The following STRIP1 variants were observed in gnomAD, a reference collection of about 807,000 sequenced individuals.
STRIP1 encodes the protein striatin-interacting protein 1.
In STRIP1, 63 loss-of-function variants were observed where a neutral mutation model predicts 106.2. That is an observed-to-expected ratio of 0.59 (90% CI 0.48 to 0.73). The LOEUF is 0.73. Ranked by LOEUF, STRIP1 falls within the 30% of genes least tolerant of loss-of-function variation. STRIP1 has a pLI of 0.00. For synonymous variants in STRIP1, 390 were observed against 413.0 expected (o/e 0.94, Z 0.67); for missense variants, 857 against 1,074.8 (o/e 0.80, Z 2.83).
intron 5 of STRIP1, chr1:110,039,824 A>G: frequency 7.6e-7 from 1 of 1,322,898 alleles, no homozygotes; most frequent in African/African-American, 1.5e-5. Context: ...GAACCTGCAG[A>G]CACTGCTGTG....
Position 110,034,793 on chromosome 1 carries a change from C to T in STRIP1, c.156C>T (p.Asn52=). ...LLPGGKAREF[N]RNQRKDSEGY... is the part of the protein sequence containing the mutation. ...CTGGGGGCAAAGCCCGCGAGTTCAACCGCAACCAGCGCAAAGACTCAGAGG... is the reference window on the plus strand; with the variant it reads ...CTGGGGGCAAAGCCCGCGAGTTCAATCGCAACCAGCGCAAAGACTCAGAGG... The change falls in exon 1 of 21, where the codon AAC becomes AAT. Residue 52 remains asparagine, a synonymous_variant. Transcript: ENST00000369795. 1.4e-6 allele frequency: 2 copies of T among 1,421,190 alleles called. No homozygotes were observed. 88.0% of individuals were successfully genotyped at this position (1,421,190 alleles called of 1,614,324 possible). A position where few individuals can be genotyped will look rare whatever the true frequency, so the allele number is the denominator to read the frequency against.
chr1:110,040,595 C>T, intron 5 of STRIP1, 40 bp from the exon 6 acceptor site: 2 of 1,582,150 alleles, frequency 1.3e-6, no homozygotes, highest in Non-Finnish European at 1.7e-6. Context: ...ACTTATCTTC[C>T]TTCTTGGAGG....
intron 5 of STRIP1, chr1:110,039,987 C>T (rs1157985456): frequency 3.0e-5 from 30 of 997,788 alleles, no homozygotes; most frequent in Non-Finnish European, 3.9e-5. Flanking sequence ...AAAGCTAAGA[C>T]AGCTCATTGA....
At chr1:110,034,564 C>T, upstream of STRIP1, 1 of 1,438,680 alleles carries the variant, frequency 7.0e-7, no homozygotes, top group Non-Finnish European at 9.1e-7. Flanking sequence ...AGGGAAATTT[C>T]CTGGAGAAAA....
At chr1:110,038,923 C>G (rs559593377) in intron 3 of STRIP1, among the ~76,000 whole-genome samples, 166 bp downstream of exon 3, 3 of 151,912 alleles carry the variant, frequency 2.0e-5, no homozygotes, top group Admixed American at 2.0e-4. Context: ...TGTGGCACAT[C>G]GGTGGGGGCT....
intron 13 of STRIP1, among the ~76,000 whole-genome samples, 190 bp from the exon 14 acceptor site, chr1:110,047,346 TATAATA>T (rs1406961063): frequency 6.6e-6 from 1 of 152,250 alleles, no homozygotes; most frequent in South Asian, 2.1e-4. Context: ...TTTATAGGGT[TATAATA>T]ATAAGGATGA....
In STRIP1 at chr1:110,046,590, A is replaced by G; in HGVS notation, c.1417-90A>G. 10 of 1,145,634 alleles carry G rather than the reference A, an allele frequency of 8.7e-6. No individual in the cohort carries two copies. In the South Asian group the frequency reaches 1.2e-4, roughly 14 times the overall value. The allele number at this position is 1,145,634 out of a possible 1,614,324, so 71.0% of individuals were successfully genotyped here. On this transcript the variant is annotated intron_variant, in intron 12 of 20. Coordinates refer to ENST00000369795, the MANE Select transcript of STRIP1 (RefSeq NM_033088.4). Reference sequence around the variant, plus strand: ...ATCCTCTTTCAGAAGACTGTGTTTGAAGACAAATGTGTGGGGATTTTGCTA... The same window carrying G: ...ATCCTCTTTCAGAAGACTGTGTTTGGAGACAAATGTGTGGGGATTTTGCTA...
Position 110,034,704 on chromosome 1 carries a change from C to T in STRIP1, c.67C>T (p.Pro23Ser). The T allele has an allele frequency of 1.3e-6, 2 of 1,511,162 alleles. No homozygotes were observed. Among genetic ancestry groups the T allele is most frequent in the Non-Finnish European group, 1.8e-6 (2 of 1,132,164 alleles). The allele number at this position is 1,511,162 out of a possible 1,614,324, so 93.6% of individuals were successfully genotyped here. Residue 23 changes from proline (P) to serine (S), a missense_variant, in exon 1 of 21, where the codon CCT becomes TCT. Physicochemically the swap from Pro to Ser is moderately conservative, Grantham distance 74. Coordinates refer to ENST00000369795, the MANE Select transcript of STRIP1 (RefSeq NM_033088.4). ...CAACAAACAGCCCCAGCCCCCGCCA[C>T]CTCCGCCGCCGGCAGCCGCACAGCC... ...VNNKQPQPPP[P>S]PPPAAAQPPP... is the part of the protein sequence containing the mutation.
At chr1:110,040,332 C>T (rs1246059997) in intron 5 of STRIP1, among the ~76,000 whole-genome samples, 1 of 152,182 alleles carries the variant, frequency 6.6e-6, no homozygotes, top group Non-Finnish European at 1.5e-5. Flanking sequence ...CAGGTGCCTG[C>T]CACCACACCC....
chr1:110,038,139 G>C (rs1468820052), intron 2 of STRIP1, 179 bp downstream of exon 2: 1 of 162,234 alleles, frequency 6.2e-6, no homozygotes, highest in Non-Finnish European at 1.1e-5. Context: ...TTTGATTCAA[G>C]CCTTGTGTAT....
intron 5 of STRIP1, chr1:110,039,854 C>T (rs1449955660): frequency 7.7e-7 from 1 of 1,302,226 alleles, no homozygotes; most frequent in South Asian, 1.2e-5. Flanking sequence ...CAGTTTCCGC[C>T]TTGGCAGGAG....
At position 110,049,146 on chromosome 1, in the gene STRIP1, G is replaced by A. The variant is rs1203682262; in HGVS notation, c.1696G>A (p.Asp566Asn). ...TVLQSMKLGV[D>N]VNRHKEVIVK... ...GTTGCAGAGCATGAAGCTGGGGGTG[G>A]ATGTAAACCGCCACAAAGAGGTCAT... Residue 566 changes from aspartate (D) to asparagine (N), a missense_variant, in exon 16 of 21, where the codon GAT becomes AAT. Transcript: ENST00000369795. The A allele has an allele frequency of 6.2e-7, 1 of 1,614,184 alleles. No individual in the cohort carries two copies. The highest frequency in any genetic ancestry group is 8.5e-7 in the Non-Finnish European group (1 of 1,180,034).
Position 110,046,747 on chromosome 1 carries a change from C to T in STRIP1, c.1484C>T (p.Ser495Leu). 6.2e-7 allele frequency: 1 copy of T among 1,611,306 alleles called. No individual in the cohort carries two copies. The highest frequency in any genetic ancestry group is 1.1e-5 in the South Asian group (1 of 91,050). ...GAGGAATACCTCCGCTCCCCTCTCT[C>T]AGGGGTAAGTTGGAGGTCCTCAGTC... ...MEEEYLRSPL[S>L]GGEEEVEQVP... Residue 495 changes from serine (S) to leucine (L), a missense_variant, in exon 13 of 21, where the codon TCA (serine) becomes TTA (leucine). Ser to Leu is a moderately radical substitution (Grantham distance 145). Transcript: ENST00000369795.
At chr1:110,034,366 G>C (rs955328622), upstream of STRIP1, among the ~76,000 whole-genome samples, 14 of 152,238 alleles carry the variant, frequency 9.2e-5, no homozygotes, top group Admixed American at 9.2e-4. Context: ...TTAGAGGAAG[G>C]AGGGGTAACT....
Position 110,034,670 on chromosome 1 carries a change from GATC to G in STRIP1, c.34_36del (p.Ile12del), listed in dbSNP as rs1161951854. On this transcript the variant is annotated inframe_deletion, in exon 1 of 21. Coordinates refer to ENST00000369795, the MANE Select transcript of STRIP1 (RefSeq NM_033088.4). ...CGGCAGTCGGCGGTCCGGGCCCACT[GATC>G]GTGAACAACAAACAGCCCCAGCCCC... The G allele has an allele frequency of 6.6e-7, 1 of 1,524,798 alleles. No individual in the cohort carries two copies. The allele number at this position is 1,524,798 out of a possible 1,614,324, so 94.5% of individuals were successfully genotyped here.
In STRIP1 at chr1:110,041,563, A is replaced by G. The variant is rs996385795; in HGVS notation, c.678A>G (p.Ile226Met). The G allele has an allele frequency of 9.3e-6, 15 of 1,613,822 alleles. No homozygotes were observed. In the African/African-American group the frequency reaches 1.7e-4, roughly 19 times the overall value. Residue 226 changes from isoleucine to methionine, a missense_variant, in exon 7 of 21, where the codon ATA becomes ATG. Physicochemically the swap from Ile to Met is conservative, Grantham distance 10. Transcript: ENST00000369795. ...TCCTGCTCAACATCATGTACCTGAT[A>G]GTGGAGACCGTTCATCAGGAGTGTG... Reference protein sequence around the residue: ...LRVLLNIMYLIVETVHQECEG... With the variant: ...LRVLLNIMYLMVETVHQECEG...
intron 8 of STRIP1, among the ~76,000 whole-genome samples, chr1:110,042,092 C>T (rs887920875): frequency 2.0e-5 from 3 of 152,154 alleles, no homozygotes; most frequent in Admixed American, 6.5e-5. Flanking sequence ...TCTCTGACCC[C>T]GGAAGCTGTT....
upstream of STRIP1, among the ~76,000 whole-genome samples, chr1:110,031,899 AT>A (rs201513805): frequency 5.2e-3 from 694 of 132,288 alleles, 2 homozygotes; most frequent in Non-Finnish European, 5.4e-3. Flanking sequence ...TTTTAATTTG[AT>A]TTTTTTTTTT....
In STRIP1 at chr1:110,039,016, C is replaced by G. The variant is rs994260229; in HGVS notation, c.326-156C>G. Reference sequence around the variant, plus strand: ...AAATACCAGCGTTTCAGTTTGGAATCAAATTCATAGAGCAGCAGTATGATC... The same window carrying G: ...AAATACCAGCGTTTCAGTTTGGAATGAAATTCATAGAGCAGCAGTATGATC... On this transcript the variant is annotated intron_variant, in intron 3 of 20. Coordinates refer to ENST00000369795, the MANE Select transcript of STRIP1 (RefSeq NM_033088.4). The G allele has an allele frequency of 7.6e-6, 7 of 918,356 alleles. No individual in the cohort carries two copies. In the African/African-American group the frequency reaches 1.2e-4, roughly 15 times the overall value. 56.9% of individuals were successfully genotyped at this position (918,356 alleles called of 1,614,324 possible).
Sources: allele counts gnomAD v4.1 joint callset (sites outside exome capture counted in the v4.1 genomes callset), GRCh38; gene constraint gnomAD v4.1.1; transcripts MANE v1.5; gene names NCBI Gene and HGNC (gene_info 2026-07-23, HGNC 2026-07-21).